The following SPAG16 variants were observed in gnomAD, a reference collection of about 807,000 sequenced individuals.
SPAG16 encodes the protein sperm-associated antigen 16 protein.
SPAG16 carries 86 observed loss-of-function variants against 80.4 expected under a neutral mutation model. The ratio of observed to expected loss-of-function variants is 1.07; its 90% CI spans 0.90 to 1.28. SPAG16 has a LOEUF of 1.28. Among genes scored for constraint, SPAG16 ranks in the 50% most tolerant of loss-of-function variants. The probability of loss-of-function intolerance (pLI) is 0.00; values close to 1 mark genes in which losing one functional copy is unlikely to be tolerated. For synonymous variants in SPAG16, 294 were observed against 265.9 expected (o/e 1.11, Z -1.03); for missense variants, 870 against 765.3 (o/e 1.14, Z -1.61).
chr2:213,667,845 T>C (rs368909097), intron 10 of SPAG16, among the ~76,000 whole-genome samples: 7 of 152,188 alleles, frequency 4.6e-5, no homozygotes, highest in African/African-American at 1.7e-4. Flanking sequence ...TTTCTTTAGT[T>C]TTTTCCAGAG....
At chr2:214,003,704 C>T (rs573433231) in intron 12 of SPAG16, among the ~76,000 whole-genome samples, 1 of 152,280 alleles carries the variant, frequency 6.6e-6, no homozygotes, top group East Asian at 1.9e-4. Context: ...CCAATCAATA[C>T]CTGCATTGTT....
chr2:213,865,294 A>G (rs1206936820), intron 11 of SPAG16, among the ~76,000 whole-genome samples: 2 of 152,016 alleles, frequency 1.3e-5, no homozygotes, highest in Non-Finnish European at 2.9e-5. Flanking sequence ...CCAAGATTCA[A>G]TGATAAAAGG....
At chr2:213,684,279 G>A (rs564095845) in intron 10 of SPAG16, among the ~76,000 whole-genome samples, 2 of 152,220 alleles carry the variant, frequency 1.3e-5, no homozygotes, top group South Asian at 4.1e-4. Flanking sequence ...GCATATTCAT[G>A]GTTAAGAAAT....
intron 9 of SPAG16, among the ~76,000 whole-genome samples, chr2:213,408,382 G>A (rs776362400): frequency 6.6e-6 from 1 of 152,194 alleles, no homozygotes; most frequent in African/African-American, 2.4e-5. Context: ...ACAGAAGAAA[G>A]TAGAAAAATA....
chr2:213,710,404 G>A lies in SPAG16; in HGVS notation c.1071-152081G>A, dbSNP rs78957829. 9.6e-3 allele frequency among the ~76,000 whole-genome samples: 1,459 copies of A among 152,074 alleles called. 19 individuals are homozygous for A. The highest frequency in any genetic ancestry group is 0.016 in the Non-Finnish European group (1,064 of 67,998). The stretch of plus-strand genomic sequence containing the variant: ...AAAGTTCATTTTATTATAACTAAGC[G>A]TAAGGTATCTTAAGTCTCTGGAACA... On this transcript the variant is annotated intron_variant, in intron 10 of 15. Coordinates refer to ENST00000331683, the MANE Select transcript of SPAG16 (RefSeq NM_024532.5).
At chr2:213,995,213 A>G (rs544638709) in intron 12 of SPAG16, among the ~76,000 whole-genome samples, 1 of 152,308 alleles carries the variant, frequency 6.6e-6, no homozygotes, top group East Asian at 1.9e-4. Flanking sequence ...TAAAAACAGC[A>G]GCAAAAACTG....
intron 8 of SPAG16, 126 bp downstream of exon 8, chr2:213,364,271 TTAA>T: frequency 2.2e-6 from 1 of 449,450 alleles, no homozygotes; most frequent in South Asian, 6.9e-5. Context: ...AATTAAAATT[TTAA>T]TAAAAAGATT....
At chr2:213,765,541 C>A (rs1330113204) in intron 10 of SPAG16, among the ~76,000 whole-genome samples, 4 of 152,090 alleles carry the variant, frequency 2.6e-5, no homozygotes, top group South Asian at 4.1e-4. Context: ...AATCCACTTA[C>A]CTTTTTCTGT....
chr2:213,943,500 GA>G (rs2106295902), intron 12 of SPAG16, among the ~76,000 whole-genome samples: 1 of 152,236 alleles, frequency 6.6e-6, no homozygotes, highest in Non-Finnish European at 1.5e-5. Flanking sequence ...TTGGACAATG[GA>G]GAAAAGGCAC....
intron 14 of SPAG16, 101 bp downstream of exon 14, chr2:214,108,362 GAGA>G: frequency 1.1e-6 from 1 of 901,198 alleles, no homozygotes; most frequent in Non-Finnish European, 1.7e-6. Context: ...TTAATGAGGT[GAGA>G]AGAACAACTT....
At chr2:213,777,687 G>A (rs373434554) in intron 10 of SPAG16, among the ~76,000 whole-genome samples, 1 of 152,108 alleles carries the variant, frequency 6.6e-6, no homozygotes, top group Non-Finnish European at 1.5e-5. Context: ...GATTACAGGC[G>A]TGAGCCGCCC....
intron 15 of SPAG16, among the ~76,000 whole-genome samples, chr2:214,193,431 G>GTGTGT (rs777734652): frequency 0.016 from 1,330 of 85,762 alleles, 2 homozygotes; most frequent in Non-Finnish European, 0.027. Flanking sequence ...GTGTATGAGA[G>GTGTGT]AGAGAGAGAG....
At chr2:213,431,497 T>C (rs1261774950) in intron 9 of SPAG16, among the ~76,000 whole-genome samples, 3 of 149,654 alleles carry the variant, frequency 2.0e-5, no homozygotes, top group Non-Finnish European at 4.5e-5. Flanking sequence ...TCAGAAACTG[T>C]AAAAAAAAAG....
At chr2:214,059,198 A>ATATATATATGTATGTG (rs2050107743) in intron 13 of SPAG16, among the ~76,000 whole-genome samples, 1 of 51,184 alleles carries the variant, frequency 2.0e-5, no homozygotes, top group African/African-American at 7.6e-5. Context: ...ATATATATAT[A>ATATATATATGTATGTG]TATATATATA....
chr2:214,272,838 C>T (rs967644786), intron 15 of SPAG16, among the ~76,000 whole-genome samples: 28 of 144,952 alleles, frequency 1.9e-4, no homozygotes, highest in Admixed American at 4.9e-4. Flanking sequence ...AATGGTATTT[C>T]TAGTTCTAGA....
chr2:214,018,824 C>G (rs2047717483), intron 13 of SPAG16, among the ~76,000 whole-genome samples: 2 of 152,058 alleles, frequency 1.3e-5, no homozygotes, highest in Non-Finnish European at 2.9e-5. Context: ...CCTCCTTCTC[C>G]CACTCTCAAA....
chr2:213,316,703 T>A (rs1025026815), intron 4 of SPAG16, among the ~76,000 whole-genome samples: 3 of 152,056 alleles, frequency 2.0e-5, no homozygotes, highest in African/African-American at 7.2e-5. Context: ...CTTTTCCATC[T>A]GCCCCAGCTG....
intron 9 of SPAG16, among the ~76,000 whole-genome samples, chr2:213,435,562 C>T (rs1159290917): frequency 7.2e-5 from 11 of 151,820 alleles, no homozygotes; most frequent in Non-Finnish European, 2.9e-5. Flanking sequence ...TATTGTAATC[C>T]TGTTAGAAAA....
intron 10 of SPAG16, among the ~76,000 whole-genome samples, chr2:213,586,200 G>A (rs908947266): frequency 6.6e-6 from 1 of 152,178 alleles, no homozygotes; most frequent in South Asian, 2.1e-4. Flanking sequence ...TGATGAGCCA[G>A]TATCTTAGTT....
Sources: gnomAD v4.1 joint callset for allele counts (sites outside exome capture counted in the v4.1 genomes callset) on GRCh38, gnomAD v4.1.1 for gene constraint, MANE v1.5 for transcripts, NCBI Gene and HGNC (gene_info 2026-07-23, HGNC 2026-07-21) for gene names.